Variants in SORCS3 observed in about 807,000 individuals in gnomAD.
SORCS3 encodes the protein VPS10 domain-containing receptor SorCS3.
Under a neutral mutation model 146.3 loss-of-function variants are expected in SORCS3, and 57 were observed. That is an observed-to-expected ratio of 0.39 (90% CI 0.31 to 0.49). The LOEUF is 0.49. SORCS3 is among the 20% of genes least tolerant of loss of function. The pLI is 0.92. For missense variants in SORCS3, 1,341 were observed against 1,575.5 expected (o/e 0.85, Z 2.52); for synonymous variants, 653 against 618.5 (o/e 1.06, Z -0.83).
At position 105,216,940 on chromosome 10, in the gene SORCS3, A is replaced by G; in HGVS notation, c.2552A>G (p.Asp851Gly). The G allele has an allele frequency of 6.2e-7, 1 of 1,614,172 alleles. No homozygotes were observed. Among genetic ancestry groups the G allele is most frequent in the Non-Finnish European group, 8.5e-7 (1 of 1,180,024 alleles). Residue 851 changes from aspartate (D) to glycine (G), a missense_variant, in exon 19 of 27, where the codon GAT (aspartate) becomes GGT (glycine). Physicochemically the swap from Asp to Gly is moderately conservative, Grantham distance 94 (BLOSUM62 -1). Transcript: ENST00000369701. The stretch of plus-strand genomic sequence containing the variant: ...GTCTGCTATGCCATCTTGCAGGGTG[A>G]TCTACAAAGGACAAACATCCAGCTT... ...ATFIILMEEGDLQRTNIQLDF... is the reference protein window; with the variant it reads ...ATFIILMEEGGLQRTNIQLDF...
intron 4 of SORCS3, among the ~76,000 whole-genome samples, chr10:105,013,974 GACAC>G (rs1254802662): frequency 2.7e-5 from 3 of 112,496 alleles, no homozygotes; most frequent in Admixed American, 8.0e-5. Context: ...TAGACACACA[GACAC>G]ACAGACACAC....
intron 4 of SORCS3, among the ~76,000 whole-genome samples, chr10:105,039,451 CTTTTTTTT>C (rs920662213): frequency 4.1e-5 from 4 of 96,548 alleles, no homozygotes; most frequent in South Asian, 3.9e-4. Flanking sequence ...CTCTCGCTCT[CTTTTTTTT>C]TTTTTTTTTT....
At chr10:105,007,326 AAAC>A (rs2055102569) in intron 4 of SORCS3, among the ~76,000 whole-genome samples, 1 of 138,712 alleles carries the variant, frequency 7.2e-6, no homozygotes, top group East Asian at 1.9e-4. Flanking sequence ...AAAATACACA[AAAC>A]AACAACAACA....
At chr10:105,121,179 C>T (rs1160888846) in intron 7 of SORCS3, among the ~76,000 whole-genome samples, 1 of 152,282 alleles carries the variant, frequency 6.6e-6, no homozygotes, top group South Asian at 2.1e-4. Context: ...GTTCTTTCTA[C>T]CTAGCTTCAC....
At chr10:105,111,237 G>C (rs2055857039) in intron 7 of SORCS3, among the ~76,000 whole-genome samples, 1 of 152,160 alleles carries the variant, frequency 6.6e-6, no homozygotes, top group Admixed American at 6.6e-5. Flanking sequence ...AGGACAGACA[G>C]CACCTCCTGT....
intron 3 of SORCS3, among the ~76,000 whole-genome samples, chr10:104,969,675 A>G (rs1038205029): frequency 6.6e-6 from 1 of 152,184 alleles, no homozygotes; most frequent in Non-Finnish European, 1.5e-5. Flanking sequence ...ACTCTCACCA[A>G]CAAAAGCTCC....
intron 2 of SORCS3, among the ~76,000 whole-genome samples, chr10:104,893,919 TC>T (rs1197441604): frequency 2.0e-5 from 3 of 152,148 alleles, no homozygotes; most frequent in African/African-American, 4.8e-5. Flanking sequence ...ACCTGTTCCA[TC>T]CTCCCTTTCT....
At chr10:105,258,931 G>T (rs960693701) in intron 25 of SORCS3, among the ~76,000 whole-genome samples, 1 of 152,146 alleles carries the variant, frequency 6.6e-6, no homozygotes, top group African/African-American at 2.4e-5. Flanking sequence ...TTTCCTGGAA[G>T]TTTTACTCCC....
At chr10:105,007,789 G>A (rs2055106452) in intron 4 of SORCS3, among the ~76,000 whole-genome samples, 1 of 152,124 alleles carries the variant, frequency 6.6e-6, no homozygotes, top group African/African-American at 2.4e-5. Context: ...TTTGTGCTGG[G>A]CATAAAATGA....
chr10:105,194,463 A>G (rs1269002625), intron 14 of SORCS3, among the ~76,000 whole-genome samples: 1 of 152,190 alleles, frequency 6.6e-6, no homozygotes, highest in Non-Finnish European at 1.5e-5. Flanking sequence ...AAAGGGGGCT[A>G]GCAATGGGTT....
intron 3 of SORCS3, among the ~76,000 whole-genome samples, chr10:104,930,135 A>G (rs1433966934): frequency 1.3e-5 from 2 of 152,182 alleles, no homozygotes; most frequent in East Asian, 3.9e-4. Context: ...TGAAATAATA[A>G]AAAAATCAAC....
chr10:105,158,986 T>C lies in SORCS3; in HGVS notation c.1724T>C (p.Val575Ala). 1.2e-6 allele frequency: 2 copies of C among 1,608,700 alleles called. No individual in the cohort carries two copies. Among genetic ancestry groups the C allele is most frequent in the Non-Finnish European group, 1.7e-6 (2 of 1,175,786 alleles). Residue 575 changes from valine to alanine, a missense_variant, in exon 11 of 27, where the codon GTG becomes GCG. Val to Ala is a moderately conservative substitution (Grantham distance 64, BLOSUM62 0). Coordinates refer to ENST00000369701, the MANE Select transcript of SORCS3 (RefSeq NM_014978.3). The part of the protein sequence containing the change: ...SSKETAPGLV[V>A]ATGNIGPELS... ...AAGGAGACAGCCCCAGGACTTGTGG[T>C]GGCTACAGGTAAGAAAAACATTCCC...
intron 16 of SORCS3, among the ~76,000 whole-genome samples, chr10:105,209,067 C>G (rs769503186): frequency 7.2e-5 from 11 of 152,182 alleles, no homozygotes; most frequent in Non-Finnish European, 1.5e-4. Context: ...CTGCAGTCCA[C>G]ATTGTAGCAT....
chr10:105,084,725 T>A (rs944328075), intron 5 of SORCS3, among the ~76,000 whole-genome samples: 13 of 146,006 alleles, frequency 8.9e-5, no homozygotes, highest in Non-Finnish European at 1.8e-4. Flanking sequence ...AAGGCAGTGC[T>A]GCTTCTTCTT....
At chr10:105,256,464 T>C (rs1266879473) in intron 24 of SORCS3, among the ~76,000 whole-genome samples, 3 of 152,214 alleles carry the variant, frequency 2.0e-5, no homozygotes, top group African/African-American at 7.2e-5. Context: ...TAACCCAAAA[T>C]TTCAAATGGG....
chr10:105,050,083 T>C (rs1220150713), intron 5 of SORCS3, among the ~76,000 whole-genome samples: 1 of 151,878 alleles, frequency 6.6e-6, no homozygotes, highest in Non-Finnish European at 1.5e-5. Context: ...TTAAAACCTG[T>C]CATTCAAAAT....
chr10:104,737,228 G>A (rs1302996062), intron 1 of SORCS3, among the ~76,000 whole-genome samples: 10 of 151,946 alleles, frequency 6.6e-5, no homozygotes, highest in African/African-American at 1.2e-4. Context: ...GAATAGTGCC[G>A]CAATAAACAT....
rs1025886716 is a variant in SORCS3, at chr10:105,195,837, C to T, written c.2010-4162C>T. 1.3e-5 allele frequency among the ~76,000 whole-genome samples: 2 copies of T among 152,192 alleles called. 1 individual carries two copies. The highest frequency in any genetic ancestry group is 1.3e-4 in the Admixed American group (2 of 15,280). ...GAGAAAATGAGCAAAGCTCATAATCCTACCAGTGTTTAAGTGATTAAAATT... is the reference window on the plus strand; with the variant it reads ...GAGAAAATGAGCAAAGCTCATAATCTTACCAGTGTTTAAGTGATTAAAATT... On this transcript the variant is annotated intron_variant, in intron 14 of 26. Coordinates refer to ENST00000369701, the MANE Select transcript of SORCS3 (RefSeq NM_014978.3).
Position 104,945,126 on chromosome 10 carries a change from G to A in SORCS3, c.795+29194G>A, listed in dbSNP as rs193284958. 3.3e-4 allele frequency among the ~76,000 whole-genome samples: 50 copies of A among 152,260 alleles called. No individual in the cohort carries two copies. In the South Asian group the frequency reaches 8.9e-3, roughly 27 times the overall value. On this transcript the variant is annotated intron_variant, in intron 3 of 26. Transcript: ENST00000369701. Reference sequence around the variant, plus strand: ...AAAAGAATACATATCGTATGACCCCGTTTATATAACATTTAAAAATAGAAC... The same window carrying A: ...AAAAGAATACATATCGTATGACCCCATTTATATAACATTTAAAAATAGAAC...
Sources: allele counts gnomAD v4.1 joint callset (sites outside exome capture counted in the v4.1 genomes callset), GRCh38; gene constraint gnomAD v4.1.1; transcripts MANE v1.5; gene names NCBI Gene and HGNC (gene_info 2026-07-23, HGNC 2026-07-21).